The following HEMK2 variants were observed in gnomAD, a reference collection of about 807,000 sequenced individuals.
HEMK2 encodes methyltransferase HEMK2.
At chr21:28,807,279 T>C in the HEMK2 span, among the ~76,000 whole-genome samples, 1 of 152,180 alleles carries the variant, frequency 6.6e-6, no homozygotes, top group African/African-American at 2.4e-5. Flanking sequence ...CATCACCATC[T>C]ACTAAGTTAT....
At chr21:28,868,988 C>A in the HEMK2 span, among the ~76,000 whole-genome samples, 11 of 133,292 alleles carry the variant, frequency 8.3e-5, no homozygotes, top group Non-Finnish European at 1.6e-4. Context: ...TTTTTTTTTT[C>A]TTTATTTTGC....
the HEMK2 span, among the ~76,000 whole-genome samples, chr21:28,785,930 C>G: frequency 6.6e-6 from 1 of 152,224 alleles, no homozygotes; most frequent in Non-Finnish European, 1.5e-5. Flanking sequence ...CTTATTTGAT[C>G]TGAGAAAACT....
chr21:28,819,906 T>A, the HEMK2 span, among the ~76,000 whole-genome samples: 1 of 152,172 alleles, frequency 6.6e-6, no homozygotes, highest in Non-Finnish European at 1.5e-5. Context: ...TACTTAGTAC[T>A]TTTATCTCAC....
the HEMK2 span, among the ~76,000 whole-genome samples, chr21:28,822,027 A>T: frequency 6.6e-6 from 1 of 152,246 alleles, no homozygotes; most frequent in Non-Finnish European, 1.5e-5. Context: ...TGAATGAGGC[A>T]ATATGGACAA....
At chr21:28,595,768 T>G in the HEMK2 span, among the ~76,000 whole-genome samples, 1 of 135,376 alleles carries the variant, frequency 7.4e-6, no homozygotes, top group East Asian at 2.0e-4. Flanking sequence ...TCTTATTTTA[T>G]TTTACTTTAT....
the HEMK2 span, among the ~76,000 whole-genome samples, chr21:28,685,534 C>G: frequency 1.3e-5 from 2 of 152,094 alleles, no homozygotes; most frequent in African/African-American, 4.8e-5. Flanking sequence ...ACTCTCAAAC[C>G]AAAACAAAGC....
chr21:28,579,143 T>C, the HEMK2 span, among the ~76,000 whole-genome samples: 2 of 152,178 alleles, frequency 1.3e-5, no homozygotes, highest in African/African-American at 4.8e-5. Flanking sequence ...TGCAAGTGAT[T>C]TTTGACCATA....
chr21:28,755,652 A>G, the HEMK2 span, among the ~76,000 whole-genome samples: 1 of 152,146 alleles, frequency 6.6e-6, no homozygotes, highest in Non-Finnish European at 1.5e-5. Context: ...TTGCCAAGTT[A>G]TGACACTACC....
the HEMK2 span, among the ~76,000 whole-genome samples, chr21:28,758,876 C>A: frequency 6.6e-6 from 1 of 152,304 alleles, no homozygotes; most frequent in East Asian, 1.9e-4. Flanking sequence ...TCCAGCAATT[C>A]ATTCCAAGTT....
At chr21:28,770,113 C>T in the HEMK2 span, among the ~76,000 whole-genome samples, 78 of 152,226 alleles carry the variant, frequency 5.1e-4, no homozygotes, top group African/African-American at 1.7e-3. Context: ...TAAAGCAAGG[C>T]TTTTGTGACG....
At chr21:28,772,437 C>T in the HEMK2 span, among the ~76,000 whole-genome samples, 4 of 152,026 alleles carry the variant, frequency 2.6e-5, no homozygotes, top group Admixed American at 2.0e-4. Flanking sequence ...TGTCTTAATG[C>T]CGTAAGATTT....
the HEMK2 span, among the ~76,000 whole-genome samples, chr21:28,853,962 A>C: frequency 6.6e-6 from 1 of 152,202 alleles, no homozygotes; most frequent in East Asian, 1.9e-4. Flanking sequence ...TCAGCCATAT[A>C]CACGATAAGA....
At chr21:28,862,753 T>C in the HEMK2 span, among the ~76,000 whole-genome samples, 36 of 152,240 alleles carry the variant, frequency 2.4e-4, no homozygotes, top group Non-Finnish European at 2.9e-5. Context: ...GTTAAAAACA[T>C]GTTTTTGCAT....
chr21:28,649,412 C>T, the HEMK2 span, among the ~76,000 whole-genome samples: 5 of 152,170 alleles, frequency 3.3e-5, no homozygotes, highest in African/African-American at 1.2e-4. Context: ...AACCTTTGAT[C>T]GTTTATTCAT....
chr21:28,673,864 A>G, the HEMK2 span, among the ~76,000 whole-genome samples: 168 of 151,870 alleles, frequency 1.1e-3, no homozygotes, highest in African/African-American at 3.8e-3. Context: ...GTTTGAGGAC[A>G]AAACATTCGT....
At chr21:28,803,371 C>A in the HEMK2 span, among the ~76,000 whole-genome samples, 1 of 152,058 alleles carries the variant, frequency 6.6e-6, no homozygotes, top group African/African-American at 2.4e-5. Flanking sequence ...TAAGAAATGG[C>A]CTTTGTATAC....
chr21:28,599,789 G>GCT, the HEMK2 span, among the ~76,000 whole-genome samples: 6 of 152,156 alleles, frequency 3.9e-5, no homozygotes, highest in Non-Finnish European at 8.8e-5. Context: ...ATACAATGGG[G>GCT]GTACAGGCAT....
the HEMK2 span, among the ~76,000 whole-genome samples, chr21:28,736,598 G>T: frequency 6.6e-6 from 1 of 152,086 alleles, no homozygotes; most frequent in African/African-American, 2.4e-5. Context: ...CTGTTGGTCT[G>T]TACTAAAAAT....
At chr21:28,597,148 C>T in the HEMK2 span, among the ~76,000 whole-genome samples, 4 of 151,900 alleles carry the variant, frequency 2.6e-5, no homozygotes, top group African/African-American at 9.7e-5. Context: ...CAAAAGGGAA[C>T]AAGAATGTAA....
Sources: allele counts gnomAD v4.1 joint callset (sites outside exome capture counted in the v4.1 genomes callset), GRCh38; gene constraint gnomAD v4.1.1; transcripts MANE v1.5; gene names NCBI Gene and HGNC (gene_info 2026-07-23, HGNC 2026-07-21).